ADCY7: variants seen among roughly 807,000 people sequenced by gnomAD.
ADCY7 encodes the protein adenylate cyclase 7.
Under a neutral mutation model 120.6 loss-of-function variants are expected in ADCY7, and 72 were observed. That is an observed-to-expected ratio of 0.60 (90% CI 0.49 to 0.73). The LOEUF is 0.73. ADCY7 is among the 30% of genes least tolerant of loss of function. The pLI is 0.00. For missense variants in ADCY7, 1,227 were observed against 1,486.0 expected, an observed-to-expected ratio of 0.83 and a Z score of 2.87; for synonymous variants, 661 against 628.0, an observed-to-expected ratio of 1.05 and a Z score of -0.78.
chr16:50,311,140 C>G (rs1454509390), intron 19 of ADCY7, among the ~76,000 whole-genome samples: 2 of 152,206 alleles, frequency 1.3e-5, no homozygotes, highest in Non-Finnish European at 2.9e-5. Flanking sequence ...AGCTCTAGCT[C>G]TGTGCCTCTC....
At chr16:50,308,826 G>A (rs2036256384) in intron 17 of ADCY7, 34 bp downstream of exon 17, 1 of 1,575,592 alleles carries the variant, frequency 6.3e-7, no homozygotes, top group Non-Finnish European at 8.6e-7. Context: ...GGCCTCCGGG[G>A]TAGAGGGAGA....
chr16:50,308,593 C>T, intron 16 of ADCY7, 74 bp from the exon 17 acceptor site: 1 of 1,561,946 alleles, frequency 6.4e-7, no homozygotes, highest in African/African-American at 1.4e-5. Context: ...GGATACCCCT[C>T]CCCAGGCTGC....
intron 1 of ADCY7, among the ~76,000 whole-genome samples, chr16:50,274,558 C>G (rs561019642): frequency 6.6e-6 from 1 of 152,234 alleles, no homozygotes; most frequent in South Asian, 2.1e-4. Context: ...AGGCCTGGAT[C>G]GGGTTCTCAG....
rs769851517 is a variant in ADCY7, at chr16:50,293,362, G to A, written c.696G>A (p.Leu232=). The A allele has an allele frequency of 1.2e-6, 2 of 1,613,140 alleles. No individual in the cohort carries two copies. The highest frequency in any genetic ancestry group is 3.3e-5 in the Admixed American group (2 of 60,012). ...TGCCCACCCACACCCAGGAGAACCT[G>A]CTGCTGTCAGTGCTTCCGGCCCACA... is the stretch of plus-strand genomic sequence containing the variant. ...LRIEKRQQEN[L]LLSVLPAHIS... Residue 232 remains leucine, a synonymous_variant, in exon 6 of 26, where the codon CTG becomes CTA. Transcript: ENST00000673801.
At chr16:50,282,088 C>G (rs1229834244) in intron 1 of ADCY7, among the ~76,000 whole-genome samples, 1 of 152,216 alleles carries the variant, frequency 6.6e-6, no homozygotes, top group Non-Finnish European at 1.5e-5. Flanking sequence ...AAGGTCCCCA[C>G]TTCCCCTTTT....
chr16:50,259,890 C>T (rs1006070652), intron 1 of ADCY7, among the ~76,000 whole-genome samples: 1 of 152,222 alleles, frequency 6.6e-6, no homozygotes, highest in African/African-American at 2.4e-5. Flanking sequence ...CTGCACATCC[C>T]TGAGCCCACA....
chr16:50,312,784 A>T, intron 21 of ADCY7, 106 bp from the exon 22 acceptor site: 1 of 840,308 alleles, frequency 1.2e-6, no homozygotes, highest in Non-Finnish European at 1.7e-6. Context: ...ACTCCCCGAA[A>T]GCTGGGCTGG....
chr16:50,305,679 G>A, intron 13 of ADCY7, 93 bp downstream of exon 13: 1 of 1,504,418 alleles, frequency 6.6e-7, no homozygotes, highest in Non-Finnish European at 9.2e-7. Flanking sequence ...CCCATGCCTG[G>A]TGGCCCAGCC....
intron 1 of ADCY7, among the ~76,000 whole-genome samples, chr16:50,277,803 T>C (rs2033993925): frequency 6.6e-6 from 1 of 151,712 alleles, no homozygotes; most frequent in African/African-American, 2.4e-5. Context: ...CCTGAGTAGC[T>C]GGGACTACAG....
upstream of ADCY7, among the ~76,000 whole-genome samples, chr16:50,262,547 G>C (rs1433076148): frequency 6.6e-6 from 1 of 151,996 alleles, no homozygotes; most frequent in Admixed American, 6.6e-5. Context: ...GGCTGGTCTC[G>C]AACTCCTGGC....
rs375415833 is a variant in ADCY7 at position 50,292,857 on chromosome 16, C to T, written c.687+32C>T. On this transcript the variant is annotated intron_variant, in intron 5 of 25. Coordinates refer to ENST00000673801, the MANE Select transcript of ADCY7 (RefSeq NM_001114.5). ...CCCGGCCCCCACTCCTCACCCTGTA[C>T]ACCCCTGTCCTCTTCCTCTTTCTGT... 1.4e-5 allele frequency: 23 copies of T among 1,602,046 alleles called. No individual in the cohort carries two copies. In the African/African-American group the frequency reaches 2.7e-4, roughly 19 times the overall value.
At position 50,308,742 on chromosome 16, in the gene ADCY7, C is replaced by T; in HGVS notation, c.2011C>T (p.Leu671=). 6.2e-7 allele frequency: 1 copy of T among 1,613,414 alleles called. No individual in the cohort carries two copies. The highest frequency in any genetic ancestry group is 8.5e-7 in the Non-Finnish European group (1 of 1,179,960). ...VETQPLLRLT[L]AVLTIGSLLT... ...GACACAGCCCCTGCTGAGGCTGACCCTGGCCGTCCTGACCATCGGCAGCCT... is the reference window on the plus strand; with the variant it reads ...GACACAGCCCCTGCTGAGGCTGACCTTGGCCGTCCTGACCATCGGCAGCCT... Residue 671 remains leucine, a synonymous_variant, in exon 17 of 26, where the codon CTG becomes TTG. Transcript: ENST00000673801.
intron 18 of ADCY7, among the ~76,000 whole-genome samples, chr16:50,309,923 G>A (rs2151077796): frequency 6.6e-6 from 1 of 152,294 alleles, no homozygotes; most frequent in East Asian, 1.9e-4. Flanking sequence ...GCGGGTCTCT[G>A]GTCAGGGCAC....
At chr16:50,281,939 C>T (rs1440065561) in intron 1 of ADCY7, among the ~76,000 whole-genome samples, 2 of 152,170 alleles carry the variant, frequency 1.3e-5, no homozygotes, top group African/African-American at 4.8e-5. Flanking sequence ...CCAGGGGAGC[C>T]GAGAGCCGGC....
Position 50,315,677 on chromosome 16 carries a change from C to A in ADCY7, c.*172C>A. 6.2e-6 allele frequency: 5 copies of A among 807,014 alleles called. No individual in the cohort carries two copies. The highest frequency in any genetic ancestry group is 1.7e-5 in the African/African-American group (1 of 58,062). The allele number at this position is 807,014 out of a possible 1,614,324, so 50.0% of individuals were successfully genotyped here. On this transcript the variant is annotated 3_prime_UTR_variant, in exon 26 of 26. Coordinates refer to ENST00000673801, the MANE Select transcript of ADCY7 (RefSeq NM_001114.5). ...CTCAGACACATGCACCAGATTCTGGCTCGAAGCAGCCACTGAGCCATAATG... is the reference window on the plus strand; with the variant it reads ...CTCAGACACATGCACCAGATTCTGGATCGAAGCAGCCACTGAGCCATAATG...
intron 14 of ADCY7, among the ~76,000 whole-genome samples, chr16:50,306,298 A>G (rs2036060625): frequency 1.4e-5 from 2 of 145,654 alleles, no homozygotes; most frequent in Non-Finnish European, 3.0e-5. Flanking sequence ...CGGCACCCAC[A>G]TTATATAATT....
At chr16:50,314,971 G>A (rs769607783) in intron 24 of ADCY7, 43 bp from the exon 25 acceptor site, 3 of 1,611,288 alleles carry the variant, frequency 1.9e-6, no homozygotes, top group Non-Finnish European at 2.5e-6. Flanking sequence ...AGAAGCTTGA[G>A]GCTTTGCCTG....
Position 50,304,564 on chromosome 16 carries a change from C to A in ADCY7, c.1560+13C>A, listed in dbSNP as rs2035938813. The A allele has an allele frequency of 1.3e-6, 2 of 1,522,330 alleles. No homozygotes were observed. Among genetic ancestry groups the A allele is most frequent in the Admixed American group, 4.3e-5 (2 of 46,374 alleles). 94.3% of individuals were successfully genotyped at this position (1,522,330 alleles called of 1,614,324 possible). On this transcript the variant is annotated intron_variant, in intron 11 of 25. Coordinates refer to ENST00000673801, the MANE Select transcript of ADCY7 (RefSeq NM_001114.5). ...GCGGAGGCCTAAGGTAGGTCCCCCT[C>A]CCACCCAGAAAGCCAGGGATTGGGG...
chr16:50,272,413 C>T (rs931275663), intron 1 of ADCY7, among the ~76,000 whole-genome samples: 6 of 152,180 alleles, frequency 3.9e-5, no homozygotes, highest in Non-Finnish European at 7.3e-5. Flanking sequence ...CACACTGCCT[C>T]GGGCGCAGCT....
Sources: gnomAD v4.1 joint callset for allele counts (sites outside exome capture counted in the v4.1 genomes callset) on GRCh38, gnomAD v4.1.1 for gene constraint, MANE v1.5 for transcripts, NCBI Gene and HGNC (gene_info 2026-07-23, HGNC 2026-07-21) for gene names.